The following DISC1 variants were observed in gnomAD, a reference collection of about 807,000 sequenced individuals.
DISC1 encodes DISC1 scaffold protein.
In DISC1, 57 loss-of-function variants were observed where a neutral mutation model predicts 84.5. The observed-to-expected ratio is 0.67, with a 90% CI of 0.55 to 0.84. The LOEUF (loss-of-function observed/expected upper bound fraction) is 0.84, where lower values mean the gene tolerates loss of function less well. Among genes scored for constraint, DISC1 ranks in the 40% least tolerant of loss-of-function variants. The pLI is 0.00. For synonymous variants in DISC1, 411 were observed against 415.2 expected (o/e 0.99, Z 0.12); for missense variants, 1,000 against 1,057.8 (o/e 0.95, Z 0.76).
At position 231,679,074 on chromosome 1, in the gene DISC1, C is replaced by T. The variant is rs190520131; in HGVS notation, c.68-14752C>T. On this transcript the variant is annotated intron_variant, in intron 1 of 12. Coordinates refer to ENST00000439617, the MANE Select transcript of DISC1 (RefSeq NM_018662.3). ...GATCATGAAGATGGGTTCACATGGG[C>T]GACTTGAATTCTAGAGAGCCAGGCA... 3.3e-4 allele frequency among the ~76,000 whole-genome samples: 51 copies of T among 152,292 alleles called. 1 individual carries two copies. In the East Asian group the frequency reaches 9.6e-3, roughly 29 times the overall value.
At chr1:231,848,324 A>C (rs1272283016) in intron 9 of DISC1, among the ~76,000 whole-genome samples, 2 of 152,174 alleles carry the variant, frequency 1.3e-5, no homozygotes, top group East Asian at 3.9e-4. Context: ...TTGCACATAG[A>C]AGCCTTACTA....
chr1:231,894,142 C>T (rs907713618), intron 9 of DISC1, among the ~76,000 whole-genome samples: 2 of 152,176 alleles, frequency 1.3e-5, no homozygotes, highest in Middle Eastern at 3.2e-3. Context: ...CTAATATAAA[C>T]TTTAAAATGG....
intron 9 of DISC1, among the ~76,000 whole-genome samples, chr1:231,888,852 A>G (rs2086987779): frequency 6.6e-6 from 1 of 151,826 alleles, no homozygotes; most frequent in South Asian, 2.1e-4. Context: ...AGGGGCCCAG[A>G]GGATGCTTCT....
At chr1:231,895,444 A>G (rs1417372767) in intron 9 of DISC1, among the ~76,000 whole-genome samples, 6 of 151,870 alleles carry the variant, frequency 4.0e-5, no homozygotes, top group East Asian at 1.9e-4. Context: ...ATATATATAT[A>G]TGAGAGAGAT....
intron 9 of DISC1, among the ~76,000 whole-genome samples, chr1:231,948,984 C>A (rs1657817937): frequency 6.6e-6 from 1 of 151,400 alleles, no homozygotes; most frequent in African/African-American, 2.4e-5. Context: ...ATTCTCCTGC[C>A]TCAGCCTTCT....
chr1:231,911,601 T>G (rs1223505014), intron 9 of DISC1, among the ~76,000 whole-genome samples: 1 of 152,236 alleles, frequency 6.6e-6, no homozygotes, highest in Non-Finnish European at 1.5e-5. Context: ...CTGGCTGCTC[T>G]TAACATATTT....
At position 232,035,025 on chromosome 1, in the gene DISC1, C is replaced by T. The variant is rs180892236; in HGVS notation, c.2426-1667C>T. Among the ~76,000 whole-genome samples the T allele has an allele frequency of 1.5e-4, 23 of 152,254 alleles. No homozygotes were observed. In the East Asian group the frequency reaches 3.1e-3, roughly 20 times the overall value. ...CCTAGCAGTAAATGCATGTAAATTA[C>T]GCAAATGATAGAGTCTGGGGAAGCT... On this transcript the variant is annotated intron_variant, in intron 12 of 12. Coordinates refer to ENST00000439617, the MANE Select transcript of DISC1 (RefSeq NM_018662.3).
In DISC1 at chr1:232,040,102, C is replaced by T. The variant is rs1670722222; in HGVS notation, c.*3271C>T. On this transcript the variant is annotated 3_prime_UTR_variant, in exon 13 of 13. Coordinates refer to ENST00000439617, the MANE Select transcript of DISC1 (RefSeq NM_018662.3). The stretch of plus-strand genomic sequence containing the variant: ...TACCTCCCAGGTTCAAGCTATTCTA[C>T]TGCCTCAGCCTCCCAAGTAGCTGGG... 1 of 152,144 alleles carries T rather than the reference C, an allele frequency of 6.6e-6. No homozygotes were observed. The highest frequency in any genetic ancestry group is 1.5e-5 in the Non-Finnish European group (1 of 68,102). 9.4% of individuals were successfully genotyped at this position (152,144 alleles called of 1,614,324 possible).
At position 232,040,506 on chromosome 1, in the gene DISC1, A is replaced by C. The variant is rs148085646; in HGVS notation, c.*3675A>C. ...AAGGAAGGTGTTTGTAGATGATGCAACTGAGCCTTAAGAGGACTAATTCCC... is the reference window on the plus strand; with the variant it reads ...AAGGAAGGTGTTTGTAGATGATGCACCTGAGCCTTAAGAGGACTAATTCCC... On this transcript the variant is annotated 3_prime_UTR_variant, in exon 13 of 13. Transcript: ENST00000439617. The C allele has an allele frequency of 3.3e-5, 5 of 152,258 alleles. 1 individual carries two copies. The South Asian group carries it at 8.3e-4, about 25-fold the overall frequency. 9.4% of individuals were successfully genotyped at this position (152,258 alleles called of 1,614,324 possible). A position where few individuals can be genotyped will look rare whatever the true frequency, so the allele number is the denominator to read the frequency against.
In DISC1 at chr1:231,654,163, T is replaced by A. The variant is rs184699338; in HGVS notation, c.67+27229T>A. Among the ~76,000 whole-genome samples the A allele has an allele frequency of 1.7e-3, 254 of 152,314 alleles. 2 individuals carry two copies. Among genetic ancestry groups the A allele is most frequent in the African/African-American group, 5.9e-3 (244 of 41,580 alleles). ...GAAGTGATTGCAGGGGAGTCCGCCA[T>A]CTTAGGAGGGTACACAGCTTTGCAG... On this transcript the variant is annotated intron_variant, in intron 1 of 12. Transcript: ENST00000439617.
intron 11 of DISC1, among the ~76,000 whole-genome samples, chr1:232,019,502 A>G (rs980404702): frequency 8.5e-5 from 13 of 152,218 alleles, no homozygotes; most frequent in African/African-American, 2.9e-4. Flanking sequence ...CATTTCTGCT[A>G]GGAATCCCAG....
At chr1:231,662,529 G>T (rs1298913693) in intron 1 of DISC1, among the ~76,000 whole-genome samples, 6 of 151,954 alleles carry the variant, frequency 3.9e-5, no homozygotes, top group African/African-American at 1.4e-4. Context: ...TCTGGCCACA[G>T]TGTGGCAAAG....
intron 10 of DISC1, among the ~76,000 whole-genome samples, chr1:231,966,298 C>A (rs1304634505): frequency 6.6e-6 from 1 of 152,226 alleles, no homozygotes; most frequent in Non-Finnish European, 1.5e-5. Flanking sequence ...CTTACTCTCA[C>A]TCCTTCAGGG....
intron 9 of DISC1, among the ~76,000 whole-genome samples, chr1:231,831,187 C>T (rs1301533354): frequency 1.3e-5 from 2 of 152,154 alleles, no homozygotes; most frequent in African/African-American, 4.8e-5. Context: ...GGCAAATCCC[C>T]GGGCTTGATG....
intron 6 of DISC1, among the ~76,000 whole-genome samples, chr1:231,789,194 G>A (rs1420070563): frequency 6.6e-6 from 1 of 152,212 alleles, no homozygotes; most frequent in African/African-American, 2.4e-5. Context: ...AGGGTCAGAG[G>A]TGAGCAAAGA....
intron 3 of DISC1, among the ~76,000 whole-genome samples, chr1:231,727,965 G>T (rs1310878954): frequency 6.6e-6 from 1 of 151,828 alleles, no homozygotes; most frequent in African/African-American, 2.4e-5. Context: ...AAAAAGGAGG[G>T]GTAGGGGGGT....
intron 10 of DISC1, among the ~76,000 whole-genome samples, chr1:231,998,455 A>G (rs977730203): frequency 6.6e-6 from 1 of 152,232 alleles, no homozygotes; most frequent in African/African-American, 2.4e-5. Context: ...ATACCTCAAT[A>G]GGTTGTAATA....
intron 4 of DISC1, among the ~76,000 whole-genome samples, chr1:231,758,253 T>A (rs1488529873): frequency 6.6e-6 from 1 of 152,196 alleles, no homozygotes; most frequent in East Asian, 1.9e-4. Context: ...TCTCAGGCTC[T>A]GCTGTTAAGA....
At chr1:231,924,333 T>C (rs551517965) in intron 9 of DISC1, among the ~76,000 whole-genome samples, 1 of 152,348 alleles carries the variant, frequency 6.6e-6, no homozygotes, top group South Asian at 2.1e-4. Flanking sequence ...GGCTGTGTGT[T>C]TGTTCATGAT....
Sources: allele counts gnomAD v4.1 joint callset (sites outside exome capture counted in the v4.1 genomes callset), GRCh38; gene constraint gnomAD v4.1.1; transcripts MANE v1.5; gene names NCBI Gene and HGNC (gene_info 2026-07-23, HGNC 2026-07-21).